DCAF8L2: variants seen among roughly 807,000 people sequenced by gnomAD.
DCAF8L2 encodes the protein DDB1 and CUL4 associated factor 8 like 2, also known as DDB1- and CUL4-associated factor 8-like protein 2.
For synonymous variants in DCAF8L2, 200 were observed against 190.9 expected (o/e 1.05, Z -0.39); for missense variants, 430 against 490.7 (o/e 0.88, Z 1.17).
the DCAF8L2 span, among the ~76,000 whole-genome samples, chrX:27,514,668 C>CAAAAAAA: frequency 2.0e-3 from 5 of 2,517 alleles, no homozygotes; most frequent in Non-Finnish European, 3.0e-3. Context: ...GACTCCGTCT[C>CAAAAAAA]AAAAAAAAAA....
the DCAF8L2 span, among the ~76,000 whole-genome samples, chrX:27,491,525 G>T: frequency 8.9e-6 from 1 of 111,899 alleles, no homozygotes; most frequent in East Asian, 2.8e-4. Context: ...TTCTATCATT[G>T]GTTTTCCTTT....
the DCAF8L2 span, among the ~76,000 whole-genome samples, chrX:27,487,057 G>A: frequency 1.8e-5 from 2 of 110,995 alleles, no homozygotes; most frequent in Non-Finnish European, 3.8e-5. Context: ...TAGGATTATT[G>A]CTATCAAAAC....
intron 4 of DCAF8L2, among the ~76,000 whole-genome samples, chrX:27,737,288 AT>A (rs1325570044): frequency 2.7e-5 from 3 of 111,192 alleles, no homozygotes. Flanking sequence ...CTTGTCTTGT[AT>A]TGCTGCTTAC....
At chrX:27,649,662 G>T (rs1358792397) in intron 2 of DCAF8L2, among the ~76,000 whole-genome samples, 1 of 111,373 alleles carries the variant, frequency 9.0e-6, no homozygotes, top group Non-Finnish European at 1.9e-5. Flanking sequence ...TTTGGTTTTT[G>T]TTTGTTATAT....
At chrX:27,486,498 T>G in the DCAF8L2 span, among the ~76,000 whole-genome samples, 1 of 112,020 alleles carries the variant, frequency 8.9e-6, no homozygotes, top group Non-Finnish European at 1.9e-5. Context: ...TTCTGCAATT[T>G]TATTGAGGTA....
At chrX:27,596,717 G>A (rs221369) in intron 1 of DCAF8L2, among the ~76,000 whole-genome samples, 1,660 of 111,158 alleles carry the variant, frequency 0.015, 13 homozygotes, top group Non-Finnish European at 0.023. Context: ...CATTAGTAAT[G>A]AACTGTCATT....
intron 2 of DCAF8L2, among the ~76,000 whole-genome samples, chrX:27,654,315 C>A (rs1929266723): frequency 8.9e-6 from 1 of 111,920 alleles, no homozygotes; most frequent in African/African-American, 3.2e-5. Flanking sequence ...ACAGCAGAAA[C>A]AACAACAAAA....
At chrX:27,673,329 G>A (rs1329111085) in intron 2 of DCAF8L2, among the ~76,000 whole-genome samples, 3 of 107,703 alleles carry the variant, frequency 2.8e-5, no homozygotes, top group Admixed American at 1.0e-4. Context: ...CCAACACGGC[G>A]AAACCCCATC....
chrX:27,703,580 T>C (rs1452179744), intron 3 of DCAF8L2, among the ~76,000 whole-genome samples: 2 of 111,254 alleles, frequency 1.8e-5, no homozygotes, highest in Admixed American at 9.6e-5. Flanking sequence ...TCACGGTCAG[T>C]TGATTTTTGA....
chrX:27,733,039 A>T (rs1440388509), intron 4 of DCAF8L2, among the ~76,000 whole-genome samples: 1 of 110,064 alleles, frequency 9.1e-6, no homozygotes, highest in African/African-American at 3.3e-5. Context: ...TTATATTTTT[A>T]GTAGAGACTG....
the DCAF8L2 span, among the ~76,000 whole-genome samples, chrX:27,490,542 A>G: frequency 9.3e-6 from 1 of 107,283 alleles, no homozygotes; most frequent in African/African-American, 3.4e-5. Flanking sequence ...GCTCACTGCA[A>G]CCTCCACCTC....
the DCAF8L2 span, among the ~76,000 whole-genome samples, chrX:27,506,660 G>A: frequency 9.0e-6 from 1 of 110,699 alleles, no homozygotes; most frequent in East Asian, 2.9e-4. Flanking sequence ...GCATTCTTCT[G>A]TGTGCGTGTG....
In DCAF8L2 at chrX:27,748,305, C is replaced by T. The variant is rs972232899; in HGVS notation, c.1410C>T (p.Thr470=). ...GATTTAAGGGACACAGAAATAATAC[C>T]ACAGTCAAAGGTGTTAATTTCTATG... The part of the protein sequence containing the change: ...SKRFKGHRNN[T]TVKGVNFYGP... Residue 470 remains threonine, a synonymous_variant, in exon 5 of 5, where the codon ACC becomes ACT. Coordinates refer to ENST00000451261, the MANE Select transcript of DCAF8L2 (RefSeq NM_001353450.2). 1 of 1,208,748 alleles carries T rather than the reference C, an allele frequency of 8.3e-7. No individual in the cohort carries two copies.
intron 3 of DCAF8L2, among the ~76,000 whole-genome samples, chrX:27,704,359 T>C (rs766567842): frequency 9.3e-6 from 1 of 108,000 alleles, no homozygotes; most frequent in Admixed American, 1.0e-4. Context: ...GATACTACCA[T>C]TTGTGACAAT....
rs575104783 is a variant in DCAF8L2 at position 27,694,498 on chromosome X, G to A, written c.-143+16586G>A. Among the ~76,000 whole-genome samples the A allele has an allele frequency of 2.4e-4, 26 of 110,421 alleles. 1 individual carries two copies. In the South Asian group the frequency reaches 0.01, roughly 43 times the overall value. ...CTTGTTGGTAGGTAATTAAATCTTA[G>A]ATGAGCAATGTTTCTTATCAAGTAT... On this transcript the variant is annotated intron_variant, in intron 3 of 4. Coordinates refer to ENST00000451261, the MANE Select transcript of DCAF8L2 (RefSeq NM_001353450.2).
At chrX:27,488,893 A>C in the DCAF8L2 span, among the ~76,000 whole-genome samples, 1 of 109,246 alleles carries the variant, frequency 9.2e-6, no homozygotes, top group Admixed American at 9.8e-5. Flanking sequence ...TCTTCAAGCG[A>C]TCCTCCCACC....
At chrX:27,725,535 T>A (rs1279108687) in intron 4 of DCAF8L2, among the ~76,000 whole-genome samples, 1 of 110,485 alleles carries the variant, frequency 9.1e-6, no homozygotes, top group African/African-American at 3.3e-5. Flanking sequence ...CAACATAATA[T>A]ATTTATATTT....
the DCAF8L2 span, among the ~76,000 whole-genome samples, chrX:27,580,107 A>G: frequency 1.8e-5 from 2 of 110,857 alleles, no homozygotes; most frequent in African/African-American, 6.6e-5. Context: ...AATTTTGACC[A>G]GAGTACAGGA....
At chrX:27,502,049 G>A in the DCAF8L2 span, among the ~76,000 whole-genome samples, 1 of 107,877 alleles carries the variant, frequency 9.3e-6, no homozygotes, top group South Asian at 4.1e-4. Context: ...GGTTGGGCAC[G>A]GTGGCTCACA....
Sources: gnomAD v4.1 joint callset for allele counts (sites outside exome capture counted in the v4.1 genomes callset) on GRCh38, gnomAD v4.1.1 for gene constraint, MANE v1.5 for transcripts, NCBI Gene and HGNC (gene_info 2026-07-23, HGNC 2026-07-21) for gene names.